The following AP1S3 variants were observed in gnomAD, a reference collection of about 807,000 sequenced individuals.
AP1S3 encodes adaptor related protein complex 1 subunit sigma 3.
In AP1S3, 10 loss-of-function variants were observed where a neutral mutation model predicts 20.9. The ratio of observed to expected loss-of-function variants is 0.48; its 90% CI spans 0.29 to 0.81. The LOEUF is 0.81. Ranked by LOEUF, AP1S3 falls within the 30% of genes least tolerant of loss-of-function variation. The probability of loss-of-function intolerance (pLI) is 0.08; values close to 1 mark genes in which losing one functional copy is unlikely to be tolerated. For synonymous variants in AP1S3, 41 were observed against 61.5 expected (o/e 0.67, Z 1.56); for missense variants, 154 against 183.8 (o/e 0.84, Z 0.94).
At chr2:223,823,398 AT>A (rs1164321246) in intron 1 of AP1S3, among the ~76,000 whole-genome samples, 1 of 152,232 alleles carries the variant, frequency 6.6e-6, no homozygotes, top group African/African-American at 2.4e-5. Flanking sequence ...ATGGAATACT[AT>A]TTGGCCTTTA....
intron 1 of AP1S3, among the ~76,000 whole-genome samples, chr2:223,792,198 C>G (rs1209889589): frequency 6.6e-6 from 1 of 152,058 alleles, no homozygotes; most frequent in Non-Finnish European, 1.5e-5. Context: ...CAAGACAATC[C>G]TAAGCAAAAA....
chr2:223,795,850 G>A (rs1258195155), intron 1 of AP1S3, among the ~76,000 whole-genome samples: 1 of 152,050 alleles, frequency 6.6e-6, no homozygotes, highest in East Asian at 1.9e-4. Flanking sequence ...AGCAAAGAAT[G>A]AGCATTCAGT....
rs780974940 is a variant in AP1S3 at position 223,758,787 on chromosome 2, T to C, written c.430-37A>G. The C allele has an allele frequency of 4.5e-6, 7 of 1,572,264 alleles. No individual in the cohort carries two copies. In the East Asian group the frequency reaches 1.1e-4, roughly 25 times the overall value. ...CAATAAATTAGAACAATTTTCCCTT[T>C]AAGTCACAGCCTTCCGCAGACTGTG... On this transcript the variant is annotated intron_variant, in intron 4 of 4. Transcript: ENST00000396654.
intron 1 of AP1S3, among the ~76,000 whole-genome samples, chr2:223,793,471 A>C (rs1691255601): frequency 6.6e-6 from 1 of 152,186 alleles, no homozygotes; most frequent in Non-Finnish European, 1.5e-5. Context: ...CGAACGCAGA[A>C]ACAAAAAACC....
intron 1 of AP1S3, among the ~76,000 whole-genome samples, chr2:223,836,826 T>C (rs1238502833): frequency 6.6e-6 from 1 of 152,100 alleles, no homozygotes; most frequent in African/African-American, 2.4e-5. Flanking sequence ...ACTCCTTATT[T>C]TGGCCTATAA....
At chr2:223,772,943 A>G (rs763185439) in intron 3 of AP1S3, among the ~76,000 whole-genome samples, 4 of 152,350 alleles carry the variant, frequency 2.6e-5, no homozygotes, top group Non-Finnish European at 4.4e-5. Context: ...ATAGCCTTGA[A>G]TTGCTCTTAG....
chr2:223,796,673 C>G (rs1389091131), intron 1 of AP1S3, among the ~76,000 whole-genome samples: 1 of 151,812 alleles, frequency 6.6e-6, no homozygotes. Context: ...CATCCTTTTT[C>G]TTTTCTCGAG....
chr2:223,801,692 C>A (rs1051281195), intron 1 of AP1S3, among the ~76,000 whole-genome samples: 5 of 152,118 alleles, frequency 3.3e-5, no homozygotes, highest in African/African-American at 1.2e-4. Flanking sequence ...GGTCTGCCCG[C>A]CTCGGCCTCC....
At chr2:223,779,596 C>T (rs1690874981) in intron 1 of AP1S3, among the ~76,000 whole-genome samples, 1 of 151,992 alleles carries the variant, frequency 6.6e-6, no homozygotes, top group Non-Finnish European at 1.5e-5. Flanking sequence ...TGCATTGTTT[C>T]AGTTGTGTCA....
chr2:223,828,058 TAAAA>T (rs527671959), intron 1 of AP1S3, among the ~76,000 whole-genome samples: 277 of 93,912 alleles, frequency 2.9e-3, no homozygotes, highest in African/African-American at 9.5e-3. Context: ...AGACTTCATC[TAAAA>T]AAAAAAAAAA....
chr2:223,785,125 G>A (rs1375950089), intron 1 of AP1S3, among the ~76,000 whole-genome samples: 1 of 152,172 alleles, frequency 6.6e-6, no homozygotes, highest in Admixed American at 6.5e-5. Flanking sequence ...CAGATCACCT[G>A]AGGTCAGGAG....
In AP1S3 at chr2:223,798,456, C is replaced by T. The variant is rs79253708; in HGVS notation, c.4-20587G>A. On this transcript the variant is annotated intron_variant, in intron 1 of 4. Coordinates refer to ENST00000396654, the MANE Select transcript of AP1S3 (RefSeq NM_001039569.2). ...AAAAATGGAATAACACAGAAACAAA[C>T]TGTTGACATGTATTAAGTCCATGCC... Among the ~76,000 whole-genome samples, 1,069 of 152,318 alleles carry T rather than the reference C, an allele frequency of 7.0e-3. 16 individuals carry two copies. The highest frequency in any genetic ancestry group is 0.025 in the African/African-American group (1,026 of 41,552).
At chr2:223,803,879 C>CA (rs530429797) in intron 1 of AP1S3, among the ~76,000 whole-genome samples, 1,853 of 71,886 alleles carry the variant, frequency 0.026, 32 homozygotes, top group African/African-American at 0.054. Context: ...GACTCCGTCT[C>CA]AAAAAAAAAA....
In AP1S3 at chr2:223,758,736, G is replaced by A. The variant is rs1270331434; in HGVS notation, c.444C>T (p.Tyr148=). The part of the protein sequence containing the change: ...SDMLQETMEE[Y]MNKPTF ...CCAGTTAAAATGTAGGCTTGTTCAT[G>A]TATTCTTCCATTGTCTGAAAGCGAA... Residue 148 remains tyrosine, a synonymous_variant, in exon 5 of 5, where the codon TAC becomes TAT. Transcript: ENST00000396654. 1.2e-6 allele frequency: 2 copies of A among 1,609,784 alleles called. No homozygotes were observed.
chr2:223,836,085 C>A (rs1043015173), intron 1 of AP1S3, among the ~76,000 whole-genome samples: 1 of 152,194 alleles, frequency 6.6e-6, no homozygotes, highest in Non-Finnish European at 1.5e-5. Flanking sequence ...CCAGCAACTG[C>A]GGTCTTGCTG....
chr2:223,766,639 C>T (rs967868723), intron 3 of AP1S3, among the ~76,000 whole-genome samples: 4 of 152,154 alleles, frequency 2.6e-5, no homozygotes, highest in Non-Finnish European at 5.9e-5. Flanking sequence ...TTGTGGAAGA[C>T]AGTGTGGTGA....
chr2:223,812,930 T>C (rs1293261252), intron 1 of AP1S3, among the ~76,000 whole-genome samples: 1 of 151,926 alleles, frequency 6.6e-6, no homozygotes. Flanking sequence ...TGGGGTTTTT[T>C]GTTTTTTTTT....
intron 1 of AP1S3, 140 bp from the exon 2 acceptor site, chr2:223,778,009 A>G (rs1018261373): frequency 7.5e-6 from 5 of 665,508 alleles, no homozygotes; most frequent in Non-Finnish European, 9.4e-6. Context: ...CATGAAAACT[A>G]TCTCATCTGA....
At chr2:223,794,828 T>A (rs1421032444) in intron 1 of AP1S3, among the ~76,000 whole-genome samples, 1 of 152,124 alleles carries the variant, frequency 6.6e-6, no homozygotes, top group Non-Finnish European at 1.5e-5. Flanking sequence ...TGAACCCCCA[T>A]CCGAGGGGCT....
Sources: allele counts gnomAD v4.1 joint callset (sites outside exome capture counted in the v4.1 genomes callset), GRCh38; gene constraint gnomAD v4.1.1; transcripts MANE v1.5; gene names NCBI Gene and HGNC (gene_info 2026-07-23, HGNC 2026-07-21).